Variants in CADPS2 observed in about 807,000 individuals in gnomAD.
The protein encoded by CADPS2 is calcium dependent secretion activator 2, also known as calcium-dependent secretion activator 2.
A neutral mutation model predicts 172.5 loss-of-function variants in CADPS2; 93 were observed. The observed-to-expected ratio is 0.54, with a 90% CI of 0.46 to 0.64. The LOEUF is 0.64. CADPS2 is among the 30% of genes least tolerant of loss of function. The pLI, the probability that CADPS2 is intolerant of heterozygous loss-of-function variation, is 0.00. For synonymous variants in CADPS2, 546 were observed against 555.2 expected (o/e 0.98, Z 0.23); for missense variants, 1,420 against 1,565.9 (o/e 0.91, Z 1.57).
chr7:122,351,372 C>CA (rs398048049), intron 27 of CADPS2, among the ~76,000 whole-genome samples: 1,816 of 28,858 alleles, frequency 0.063, 363 homozygotes, highest in East Asian at 0.11. Flanking sequence ...GACTCCGTCT[C>CA]AAAAAAAAAA....
intron 1 of CADPS2, among the ~76,000 whole-genome samples, chr7:122,813,278 A>C (rs1800499125): frequency 6.6e-6 from 1 of 152,150 alleles, no homozygotes; most frequent in Admixed American, 6.5e-5. Context: ...TTAAGAAAAC[A>C]TACTTAAAGC....
chr7:122,372,548 G>T (rs1188593953), intron 25 of CADPS2, among the ~76,000 whole-genome samples: 1 of 152,158 alleles, frequency 6.6e-6, no homozygotes, highest in Non-Finnish European at 1.5e-5. Context: ...AGGTAGCCTT[G>T]AAGAGGAGAG....
chr7:122,666,554 G>C (rs1249062462), intron 2 of CADPS2, among the ~76,000 whole-genome samples: 1 of 152,040 alleles, frequency 6.6e-6, no homozygotes, highest in Non-Finnish European at 1.5e-5. Context: ...ATGTTGGCCA[G>C]GCTGGTCTCA....
intron 2 of CADPS2, among the ~76,000 whole-genome samples, chr7:122,682,513 T>A (rs2083162531): frequency 6.6e-6 from 1 of 152,192 alleles, no homozygotes; most frequent in Non-Finnish European, 1.5e-5. Context: ...AAATAAATCT[T>A]AAAAATTTAG....
At chr7:122,586,255 G>A (rs2069672982) in intron 6 of CADPS2, among the ~76,000 whole-genome samples, 2 of 151,834 alleles carry the variant, frequency 1.3e-5, no homozygotes, top group Non-Finnish European at 2.9e-5. Context: ...CTATCCCCTT[G>A]GGATTTCTAT....
intron 7 of CADPS2, among the ~76,000 whole-genome samples, chr7:122,576,486 C>T (rs1449706932): frequency 6.6e-6 from 1 of 152,116 alleles, no homozygotes; most frequent in African/African-American, 2.4e-5. Flanking sequence ...TTTGATGCTG[C>T]TGGTTGATGT....
At chr7:122,832,147 A>G (rs554959576) in intron 1 of CADPS2, among the ~76,000 whole-genome samples, 21 of 152,332 alleles carry the variant, frequency 1.4e-4, no homozygotes, top group African/African-American at 5.0e-4. Context: ...TTCTAGTCTC[A>G]TGGTGAACAA....
chr7:122,570,801 C>A (rs922072091), intron 7 of CADPS2, among the ~76,000 whole-genome samples: 1 of 152,066 alleles, frequency 6.6e-6, no homozygotes, highest in Non-Finnish European at 1.5e-5. Flanking sequence ...CCAAACACCA[C>A]ATGTTCTCAT....
intron 15 of CADPS2, among the ~76,000 whole-genome samples, 172 bp from the exon 16 acceptor site, chr7:122,441,747 G>C (rs1260010951): frequency 1.3e-5 from 2 of 151,954 alleles, no homozygotes; most frequent in African/African-American, 4.8e-5. Flanking sequence ...CCTAACCCTA[G>C]GATTTCAAAG....
At chr7:122,664,745 T>C (rs1050304491) in intron 2 of CADPS2, among the ~76,000 whole-genome samples, 2 of 152,208 alleles carry the variant, frequency 1.3e-5, no homozygotes, top group Non-Finnish European at 2.9e-5. Flanking sequence ...CCATAAATTA[T>C]ATGCTGTTAT....
chr7:122,709,881 G>T (rs1450878556), intron 2 of CADPS2, among the ~76,000 whole-genome samples: 2 of 151,892 alleles, frequency 1.3e-5, no homozygotes, highest in African/African-American at 4.8e-5. Flanking sequence ...CACAGGAAGG[G>T]GAACATCACA....
At chr7:122,530,867 G>A (rs1387458401) in intron 8 of CADPS2, among the ~76,000 whole-genome samples, 1 of 152,100 alleles carries the variant, frequency 6.6e-6, no homozygotes, top group African/African-American at 2.4e-5. Flanking sequence ...AGAACAACAG[G>A]ATCAAGACCA....
At chr7:122,738,227 A>C (rs1427367113) in intron 1 of CADPS2, among the ~76,000 whole-genome samples, 1 of 152,148 alleles carries the variant, frequency 6.6e-6, no homozygotes, top group African/African-American at 2.4e-5. Context: ...GGCCCAGTGC[A>C]AAATAAAAAT....
At chr7:122,644,499 C>T (rs1376579787) in intron 3 of CADPS2, among the ~76,000 whole-genome samples, 1 of 152,126 alleles carries the variant, frequency 6.6e-6, no homozygotes, top group Non-Finnish European at 1.5e-5. Context: ...ATATATTTCA[C>T]CTTACCCTAA....
At chr7:122,854,222 TG>T (rs1157433100) in intron 1 of CADPS2, among the ~76,000 whole-genome samples, 1 of 150,856 alleles carries the variant, frequency 6.6e-6, no homozygotes, top group Non-Finnish European at 1.5e-5. Flanking sequence ...TGGCCAAGAG[TG>T]GTGGGTGACT....
chr7:122,343,937 C>A (rs1323996823), intron 28 of CADPS2, among the ~76,000 whole-genome samples: 1 of 152,154 alleles, frequency 6.6e-6, no homozygotes. Flanking sequence ...TCTACCCCTG[C>A]AGGGCATCAA....
chr7:122,333,262 C>T (rs1173367158), intron 28 of CADPS2, among the ~76,000 whole-genome samples: 5 of 152,116 alleles, frequency 3.3e-5, no homozygotes, highest in Non-Finnish European at 5.9e-5. Flanking sequence ...GTATATTGGA[C>T]TCTTGGAACT....
intron 2 of CADPS2, among the ~76,000 whole-genome samples, chr7:122,679,011 T>C (rs566889462): frequency 1.3e-5 from 2 of 152,236 alleles, no homozygotes; most frequent in Admixed American, 1.3e-4. Flanking sequence ...GACCCTGTAA[T>C]GACTGCGTTA....
At chr7:122,581,420 G>A (rs2068795109) in intron 6 of CADPS2, 130 bp from the exon 7 acceptor site, 1 of 653,046 alleles carries the variant, frequency 1.5e-6, no homozygotes, top group Non-Finnish European at 2.7e-6. Flanking sequence ...CTTTGCTTTT[G>A]TTTCTAGCAG....
Sources: gnomAD v4.1 joint callset for allele counts (sites outside exome capture counted in the v4.1 genomes callset) on GRCh38, gnomAD v4.1.1 for gene constraint, MANE v1.5 for transcripts, NCBI Gene and HGNC (gene_info 2026-07-23, HGNC 2026-07-21) for gene names.